The following ACTN1 variants were observed in gnomAD, a reference collection of about 807,000 sequenced individuals.
The protein encoded by ACTN1 is alpha-actinin-1.
ACTN1 carries 30 observed loss-of-function variants against 119.6 expected under a neutral mutation model. The observed-to-expected ratio is 0.25, with a 90% CI of 0.19 to 0.34. ACTN1 has a LOEUF of 0.34. Ranked by LOEUF, ACTN1 falls within the 10% of genes least tolerant of loss-of-function variation. The pLI is 1.00. For synonymous variants in ACTN1, 429 were observed against 472.6 expected (o/e 0.91, Z 1.20); for missense variants, 764 against 1,223.4 (o/e 0.62, Z 5.60).
intron 21 of ACTN1, chr14:68,875,227 T>G (rs937291448): frequency 2.6e-5 from 36 of 1,364,646 alleles, no homozygotes; most frequent in Admixed American, 9.3e-5. Flanking sequence ...TCTCAGGTTT[T>G]CCACTTCAGT....
chr14:68,957,485 T>C (rs530377448), intron 1 of ACTN1, among the ~76,000 whole-genome samples: 13 of 152,342 alleles, frequency 8.5e-5, no homozygotes, highest in African/African-American at 2.9e-4. Context: ...GCCATGCCCA[T>C]TCTGGCATTT....
At chr14:68,943,902 T>C (rs2035845948) in intron 1 of ACTN1, among the ~76,000 whole-genome samples, 1 of 152,280 alleles carries the variant, frequency 6.6e-6, no homozygotes, top group South Asian at 2.1e-4. Flanking sequence ...GGCTAAACTC[T>C]TCCAGGCCAG....
intron 7 of ACTN1, among the ~76,000 whole-genome samples, chr14:68,904,241 G>A (rs1306183926): frequency 1.3e-5 from 2 of 152,128 alleles, no homozygotes; most frequent in Non-Finnish European, 2.9e-5. Flanking sequence ...GGGCATAGAG[G>A]AGATGCTAAG....
intron 3 of ACTN1, among the ~76,000 whole-genome samples, chr14:68,915,717 C>T (rs72733528): frequency 7.9e-5 from 12 of 152,150 alleles, no homozygotes; most frequent in African/African-American, 2.7e-4. Context: ...GGACGAAGTA[C>T]GACAAACAGA....
At chr14:68,926,119 C>T (rs375275161) in intron 1 of ACTN1, among the ~76,000 whole-genome samples, 285 of 152,306 alleles carry the variant, frequency 1.9e-3, no homozygotes, top group African/African-American at 6.5e-3. Flanking sequence ...TATATTAAAT[C>T]CTTTCTCACT....
chr14:68,884,891 G>C lies in ACTN1; in HGVS notation c.1386-8C>G. On this transcript the variant is annotated splice_polypyrimidine_tract_variant and splice_region_variant and intron_variant, in intron 12 of 21. Transcript: ENST00000394419. The stretch of plus-strand genomic sequence containing the variant: ...TCATAATAGTCCAGCTCACTGGGGA[G>C]GGAAGAGACAAGGAAGTCAGGGGAC... The C allele has an allele frequency of 1.9e-6, 3 of 1,607,402 alleles. No individual in the cohort carries two copies. The highest frequency in any genetic ancestry group is 2.6e-6 in the Non-Finnish European group (3 of 1,173,872).
chr14:68,927,967 C>T (rs764737568), intron 1 of ACTN1, among the ~76,000 whole-genome samples: 10 of 152,172 alleles, frequency 6.6e-5, no homozygotes, highest in Admixed American at 3.3e-4. Context: ...CCAGCACCCA[C>T]TCCCAGTCCC....
At chr14:68,912,643 C>T (rs755027415) in intron 3 of ACTN1, among the ~76,000 whole-genome samples, 108 of 152,164 alleles carry the variant, frequency 7.1e-4, no homozygotes, top group Non-Finnish European at 1.0e-3. Flanking sequence ...TCCCAAAGTG[C>T]TGGAATTACA....
intron 1 of ACTN1, among the ~76,000 whole-genome samples, chr14:68,939,678 A>G (rs1401266422): frequency 6.6e-6 from 1 of 152,158 alleles, no homozygotes; most frequent in African/African-American, 2.4e-5. Flanking sequence ...ATATCTTTCT[A>G]AGGTGATAAA....
chr14:68,952,008 G>T (rs2036187945), intron 1 of ACTN1, among the ~76,000 whole-genome samples: 1 of 152,156 alleles, frequency 6.6e-6, no homozygotes, highest in South Asian at 2.1e-4. Context: ...TAAGGGAGTA[G>T]AGCATGGAAG....
At chr14:68,977,805 C>CCCCG in intron 1 of ACTN1, 1 of 367,594 alleles carries the variant, frequency 2.7e-6, no homozygotes, top group East Asian at 8.0e-5. Flanking sequence ...TCCTGTCCCC[C>CCCCG]CCCCACCCAA....
chr14:68,890,556 T>C (rs1195790202), intron 10 of ACTN1, among the ~76,000 whole-genome samples: 1 of 152,188 alleles, frequency 6.6e-6, no homozygotes, highest in Non-Finnish European at 1.5e-5. Context: ...AACAGAGCCC[T>C]GTGGGGAAAG....
intron 3 of ACTN1, among the ~76,000 whole-genome samples, chr14:68,916,532 C>T (rs2034303929): frequency 6.6e-6 from 1 of 152,218 alleles, no homozygotes; most frequent in South Asian, 2.1e-4. Context: ...GCAGCCCATG[C>T]ACGCCCAGCC....
In ACTN1 at chr14:68,874,744, C is replaced by T; in HGVS notation, c.*115G>A. ...GGGAGGATCGATGCCACGTGGGCCC[C>T]AGCTCACCCGGGTGGAGGCTGGGAG... On this transcript the variant is annotated 3_prime_UTR_variant, in exon 22 of 22. Transcript: ENST00000394419. 1 of 1,125,882 alleles carries T rather than the reference C, an allele frequency of 8.9e-7. No individual in the cohort carries two copies. Among genetic ancestry groups the T allele is most frequent in the Middle Eastern group, 3.2e-4 (1 of 3,150 alleles). 69.7% of individuals were successfully genotyped at this position (1,125,882 alleles called of 1,614,324 possible). A position where few individuals can be genotyped will look rare whatever the true frequency, so the allele number is the denominator to read the frequency against.
At chr14:68,965,859 C>T (rs905789758) in intron 1 of ACTN1, among the ~76,000 whole-genome samples, 2 of 152,152 alleles carry the variant, frequency 1.3e-5, no homozygotes, top group East Asian at 1.9e-4. Flanking sequence ...AAGCTGTGTT[C>T]GCCGAATAGT....
At chr14:68,907,585 A>C (rs182835197) in intron 6 of ACTN1, among the ~76,000 whole-genome samples, 1,588 of 152,216 alleles carry the variant, frequency 0.01, 23 homozygotes, top group African/African-American at 0.036. Context: ...ACAAAAACAA[A>C]AACAAAAAAA....
chr14:68,965,225 G>A (rs1446134199), intron 1 of ACTN1, among the ~76,000 whole-genome samples: 2 of 152,244 alleles, frequency 1.3e-5, no homozygotes, highest in African/African-American at 4.8e-5. Context: ...TTTATCTGAG[G>A]GAGAAGAGGG....
intron 1 of ACTN1, among the ~76,000 whole-genome samples, chr14:68,949,461 T>TG (rs2036056957): frequency 6.6e-6 from 1 of 152,192 alleles, no homozygotes; most frequent in African/African-American, 2.4e-5. Context: ...TGCAGACAGC[T>TG]ACTGTGGCAG....
intron 8 of ACTN1, among the ~76,000 whole-genome samples, chr14:68,896,127 C>T (rs752042756): frequency 6.6e-6 from 1 of 152,158 alleles, no homozygotes; most frequent in African/African-American, 2.4e-5. Flanking sequence ...CTGCAGACTC[C>T]ACCGGGTTCC....
Sources: gnomAD v4.1 joint callset for allele counts (sites outside exome capture counted in the v4.1 genomes callset) on GRCh38, gnomAD v4.1.1 for gene constraint, MANE v1.5 for transcripts, NCBI Gene and HGNC (gene_info 2026-07-23, HGNC 2026-07-21) for gene names.